Variants in KIAA1614 observed in about 807,000 individuals in gnomAD.
KIAA1614 encodes KIAA1614, also known as uncharacterized protein KIAA1614.
Under a neutral mutation model 88.7 loss-of-function variants are expected in KIAA1614, and 76 were observed. That is an observed-to-expected ratio of 0.86 (90% CI 0.71 to 1.04). The LOEUF (loss-of-function observed/expected upper bound fraction) is 1.04, where lower values mean the gene tolerates loss of function less well. Ranked by LOEUF, KIAA1614 falls within the 50% of genes least tolerant of loss-of-function variation. The pLI, the probability that KIAA1614 is intolerant of heterozygous loss-of-function variation, is 0.00. For missense variants in KIAA1614, 1,553 were observed against 1,582.5 expected (o/e 0.98, Z 0.32); for synonymous variants, 714 against 675.5 (o/e 1.06, Z -0.88).
chr1:180,923,626 G>C (rs1180296221), intron 3 of KIAA1614, among the ~76,000 whole-genome samples: 1 of 152,192 alleles, frequency 6.6e-6, no homozygotes, highest in Non-Finnish European at 1.5e-5. Context: ...GAACTGTGCT[G>C]TTCTTGTCTC....
At chr1:180,932,702 G>A (rs146996853) in intron 4 of KIAA1614, among the ~76,000 whole-genome samples, 52 of 152,184 alleles carry the variant, frequency 3.4e-4, no homozygotes, top group Middle Eastern at 6.8e-3. Context: ...AGGAGTTTGT[G>A]TATGTTTTTT....
rs760727456 is a variant in KIAA1614, at chr1:180,936,022, G to A, written c.2113G>A (p.Glu705Lys). ...GCCTGAAGGAACTCTATTTTTGAGA[G>A]AAGATGCCAAGCCTCCTGACCTGGA... ...HTPEGTLFLR[E>K]DAKPPDLELK... The change falls in exon 5 of 9, where the codon GAA (glutamate) becomes AAA (lysine). Residue 705 changes from glutamate to lysine, a missense_variant. Glu to Lys is a moderately conservative substitution (Grantham distance 56). Transcript: ENST00000367588. The A allele has an allele frequency of 5.3e-5, 85 of 1,613,966 alleles. No homozygotes were observed. In the East Asian group the frequency reaches 1.4e-3, roughly 27 times the overall value.
At chr1:180,920,296 T>C (rs2102257666) in intron 3 of KIAA1614, among the ~76,000 whole-genome samples, 1 of 152,364 alleles carries the variant, frequency 6.6e-6, no homozygotes, top group South Asian at 2.1e-4. Context: ...AAGAGACCTC[T>C]GGAGTAAGGC....
At chr1:180,925,859 G>A (rs1004309274) in intron 3 of KIAA1614, among the ~76,000 whole-genome samples, 1 of 141,948 alleles carries the variant, frequency 7.0e-6, no homozygotes, top group Admixed American at 7.0e-5. Context: ...TCTGTGGTGG[G>A]AACTCCCCCA....
chr1:180,928,232 G>A (rs1340269569), intron 3 of KIAA1614, 198 bp from the exon 4 acceptor site: 2 of 599,598 alleles, frequency 3.3e-6, no homozygotes, highest in East Asian at 6.3e-5. Flanking sequence ...GAGCCACGCA[G>A]GGCCATTTCC....
At position 180,936,493 on chromosome 1, in the gene KIAA1614, A is replaced by AC; in HGVS notation, c.2587dup (p.Gln863ProfsTer39). 6.2e-7 allele frequency: 1 copy of AC among 1,613,830 alleles called. No homozygotes were observed. Among genetic ancestry groups the AC allele is most frequent in the Non-Finnish European group, 8.5e-7 (1 of 1,179,936 alleles). On this transcript the variant is annotated frameshift_variant, in exon 5 of 9. Transcript: ENST00000367588. LOFTEE classifies it high-confidence loss of function. Reference sequence around the variant, plus strand: ...GACCTGTGAGCTGCCCCCATCACAGACCCAGCCCAGCCGCCCTCAGGTCAG... The same window carrying AC: ...GACCTGTGAGCTGCCCCCATCACAGACCCCAGCCCAGCCGCCCTCAGGTCAG...
At chr1:180,915,611 C>T (rs1571280438) in intron 1 of KIAA1614, among the ~76,000 whole-genome samples, 1 of 152,202 alleles carries the variant, frequency 6.6e-6, no homozygotes, top group African/African-American at 2.4e-5. Context: ...CAATGACTTG[C>T]ATTTTTTTAA....
At position 180,944,458 on chromosome 1, in the gene KIAA1614, G is replaced by A. The variant is rs1654539478; in HGVS notation, c.3229G>A (p.Gly1077Arg). 5 of 1,613,992 alleles carry A rather than the reference G, an allele frequency of 3.1e-6. No homozygotes were observed. Among genetic ancestry groups the A allele is most frequent in the Non-Finnish European group, 4.2e-6 (5 of 1,179,900 alleles). The change falls in exon 8 of 9, where the codon GGG becomes AGG. Residue 1077 changes from glycine (G) to arginine (R), a missense_variant. Transcript: ENST00000367588. ...QNLHSLLSSK[G>R]NRSSLYLVAG... ...CCTCCATTCTCTGCTGAGCAGCAAG[G>A]GGAACCGGTCCAGCCTCTACCTGGT...
In KIAA1614 at chr1:180,945,611, G is replaced by GA; in HGVS notation, c.*26dup. On this transcript the variant is annotated 3_prime_UTR_variant, in exon 9 of 9. Coordinates refer to ENST00000367588, the MANE Select transcript of KIAA1614 (RefSeq NM_020950.2). Reference sequence around the variant, plus strand: ...TGAGCCGTGCAGCTCTGGGAATTCAGAAAGCCTCTGACTACAGGACTAGGC... The same window carrying GA: ...TGAGCCGTGCAGCTCTGGGAATTCAGAAAAGCCTCTGACTACAGGACTAGGC... 1.3e-6 allele frequency: 2 copies of GA among 1,578,354 alleles called. No individual in the cohort carries two copies. Among genetic ancestry groups the GA allele is most frequent in the South Asian group, 2.4e-5 (2 of 85,048 alleles).
At chr1:180,921,757 G>T (rs751405096) in intron 3 of KIAA1614, among the ~76,000 whole-genome samples, 17 of 152,286 alleles carry the variant, frequency 1.1e-4, no homozygotes, top group African/African-American at 4.1e-4. Context: ...TTTGGATTTT[G>T]GGGGAGAGGA....
In KIAA1614 at chr1:180,935,386, G is replaced by T; in HGVS notation, c.1477G>T (p.Asp493Tyr). 1 of 1,467,614 alleles carries T rather than the reference G, an allele frequency of 6.8e-7. No individual in the cohort carries two copies. The highest frequency in any genetic ancestry group is 1.4e-5 in the South Asian group (1 of 70,346). 90.9% of individuals were successfully genotyped at this position (1,467,614 alleles called of 1,614,324 possible). The change falls in exon 5 of 9, where the codon GAC becomes TAC. Residue 493 changes from aspartate to tyrosine, a missense_variant. Physicochemically the swap from Asp to Tyr is radical, Grantham distance 160. Transcript: ENST00000367588. The surrounding 1 kb of genome is among the most constrained non-coding windows in gnomAD (Gnocchi z 6.1). ...CCAGGGCCCCCTGCGCTCCAAGCCC[G>T]ACCTCGCCGACTACATCAACGGGGC... ...ADQGPLRSKP[D>Y]LADYINGAPR...
At chr1:180,944,979 T>G in intron 8 of KIAA1614, 1 of 358,520 alleles carries the variant, frequency 2.8e-6, no homozygotes, top group South Asian at 4.6e-5. Flanking sequence ...TCAGGGTGTA[T>G]GTTAGCTCCT....
At chr1:180,945,146 C>T (rs753911877) in intron 8 of KIAA1614, 157 bp from the exon 9 acceptor site, 85 of 876,396 alleles carry the variant, frequency 9.7e-5, no homozygotes, top group Non-Finnish European at 1.3e-4. Flanking sequence ...CAGTTTTGGC[C>T]CTAGCAGGCT....
intron 3 of KIAA1614, among the ~76,000 whole-genome samples, chr1:180,924,200 A>G (rs577168553): frequency 7.1e-4 from 108 of 152,294 alleles, no homozygotes; most frequent in Non-Finnish European, 1.3e-3. Context: ...GAGAAAGTCA[A>G]TTTACCCAAG....
chr1:180,926,398 G>T (rs892829202), intron 3 of KIAA1614, among the ~76,000 whole-genome samples: 2 of 150,954 alleles, frequency 1.3e-5, no homozygotes, highest in African/African-American at 4.9e-5. Flanking sequence ...GCCTCTAGGC[G>T]CCTAAAAAGC....
chr1:180,915,055 C>T (rs1470816728), intron 1 of KIAA1614, among the ~76,000 whole-genome samples: 1 of 152,230 alleles, frequency 6.6e-6, no homozygotes, highest in Non-Finnish European at 1.5e-5. Context: ...CCACCCGCCT[C>T]AGCCTCCCAA....
At chr1:180,941,010 T>G in intron 6 of KIAA1614, 35 bp from the exon 7 acceptor site, 115 of 100,080 alleles carry the variant, frequency 1.1e-3, no homozygotes, top group Non-Finnish European at 1.6e-3. Flanking sequence ...CTCCCGGCCC[T>G]CCCCCGCCCC....
intron 3 of KIAA1614, among the ~76,000 whole-genome samples, chr1:180,927,169 G>A (rs1414410671): frequency 3.3e-5 from 5 of 152,164 alleles, no homozygotes; most frequent in Admixed American, 2.0e-4. Context: ...CCAGGAAACT[G>A]CCTGGTCCCT....
chr1:180,933,261 C>T (rs1408084363), intron 4 of KIAA1614, among the ~76,000 whole-genome samples: 1 of 152,090 alleles, frequency 6.6e-6, no homozygotes, highest in Admixed American at 6.5e-5. Context: ...GGGAAGGAGG[C>T]CTGGAGGCCC....
Sources: gnomAD v4.1 joint callset for allele counts (sites outside exome capture counted in the v4.1 genomes callset) on GRCh38, gnomAD v4.1.1 for gene constraint, Gnocchi (gnomAD v3.1) non-coding constraint, MANE v1.5 for transcripts, NCBI Gene and HGNC (gene_info 2026-07-23, HGNC 2026-07-21) for gene names.